Variants in GRID2IP observed in about 807,000 individuals in gnomAD.
GRID2IP encodes Grid2 interacting protein.
In GRID2IP, 78 loss-of-function variants were observed where a neutral mutation model predicts 114.3. That is an observed-to-expected ratio of 0.68 (90% CI 0.57 to 0.82). The LOEUF is 0.82. Ranked by LOEUF, GRID2IP falls within the 40% of genes least tolerant of loss-of-function variation. GRID2IP has a pLI of 0.00. For missense variants in GRID2IP, 1,727 were observed against 1,678.5 expected (o/e 1.03, Z -0.51); for synonymous variants, 809 against 724.0 (o/e 1.12, Z -1.89).
chr7:6,503,812 G>T, intron 15 of GRID2IP, 125 bp from the exon 16 acceptor site: 1 of 641,888 alleles, frequency 1.6e-6, no homozygotes, highest in South Asian at 2.3e-5. Context: ...GGGAGAGGAC[G>T]GGGCCTTGAG....
intron 1 of GRID2IP, among the ~76,000 whole-genome samples, chr7:6,540,903 T>A (rs1019973770): frequency 2.6e-5 from 4 of 151,906 alleles, no homozygotes; most frequent in Admixed American, 2.0e-4. Flanking sequence ...GTGGTGTGAT[T>A]ATAACTTACT....
Position 6,518,648 on chromosome 7 carries a change from A to C in GRID2IP, c.1268+1930T>G, listed in dbSNP as rs144301865. On this transcript the variant is annotated intron_variant, in intron 7 of 21. Transcript: ENST00000457091. ...CTACTCGGGAGGCTGAGGCAGGAGA[A>C]TCGCTTGAACCCAGGAGGGGGAGGT... Among the ~76,000 whole-genome samples the C allele has an allele frequency of 2.1e-3, 313 of 152,166 alleles. 1 individual carries two copies. The highest frequency in any genetic ancestry group is 7.2e-3 in the African/African-American group (299 of 41,546).
chr7:6,527,559 T>C (rs1477552158), intron 2 of GRID2IP, among the ~76,000 whole-genome samples: 1 of 152,198 alleles, frequency 6.6e-6, no homozygotes, highest in East Asian at 1.9e-4. Context: ...GGGTCTCCGC[T>C]GCAGGGCTAG....
chr7:6,503,978 G>C (rs1786499051), intron 15 of GRID2IP, among the ~76,000 whole-genome samples: 1 of 150,662 alleles, frequency 6.6e-6, no homozygotes, highest in Non-Finnish European at 1.5e-5. Flanking sequence ...GGAGAGGGTG[G>C]GGCCTGGCAG....
At chr7:6,505,074 C>G (rs1044511987) in intron 14 of GRID2IP, among the ~76,000 whole-genome samples, 1 of 152,198 alleles carries the variant, frequency 6.6e-6, no homozygotes, top group African/African-American at 2.4e-5. Context: ...GTGTCCTGTG[C>G]ACTCCCCGTG....
chr7:6,546,923 G>C (rs1779897790), intron 1 of GRID2IP, among the ~76,000 whole-genome samples: 1 of 152,068 alleles, frequency 6.6e-6, no homozygotes, highest in Admixed American at 6.6e-5. Flanking sequence ...GATTGTAGCA[G>C]GCATTACTCG....
At chr7:6,548,423 T>C (rs1466969702) in intron 1 of GRID2IP, among the ~76,000 whole-genome samples, 2 of 152,152 alleles carry the variant, frequency 1.3e-5, no homozygotes, top group Admixed American at 6.5e-5. Flanking sequence ...CTTGAGGGGA[T>C]GGGTACCCCA....
At chr7:6,527,651 G>C (rs996528763) in intron 2 of GRID2IP, among the ~76,000 whole-genome samples, 1 of 149,362 alleles carries the variant, frequency 6.7e-6, no homozygotes, top group East Asian at 1.9e-4. Context: ...ACAGTGGCAC[G>C]ATCATAGCAC....
intron 20 of GRID2IP, among the ~76,000 whole-genome samples, chr7:6,501,188 TAAAAATAC>T (rs1194891066): frequency 1.3e-5 from 2 of 151,962 alleles, no homozygotes; most frequent in East Asian, 3.9e-4. Context: ...ATGTCTATAC[TAAAAATAC>T]AAAAATAAGC....
intron 7 of GRID2IP, among the ~76,000 whole-genome samples, chr7:6,515,541 G>A (rs994451829): frequency 6.6e-6 from 1 of 152,108 alleles, no homozygotes; most frequent in African/African-American, 2.4e-5. Flanking sequence ...ACTTTGGGAG[G>A]CTGAGGCAGG....
chr7:6,497,837 C>T lies in GRID2IP; in HGVS notation c.3573G>A (p.Leu1191=). The part of the protein sequence containing the change: ...AEFMSKFERA[L]SDLQAGEGLR... ...GGCCCTCCCCGGCCTGCAGGTCACT[C>T]AGCGCTCGCTGGGGAGGGGGAACAC... Residue 1191 remains leucine (L), a synonymous_variant, in exon 22 of 22, where the codon CTG becomes CTA. Transcript: ENST00000457091. 1.3e-6 allele frequency: 2 copies of T among 1,550,198 alleles called. No individual in the cohort carries two copies. The highest frequency in any genetic ancestry group is 1.4e-5 in the African/African-American group (1 of 73,184).
intron 7 of GRID2IP, among the ~76,000 whole-genome samples, chr7:6,515,644 G>T (rs1779280761): frequency 6.6e-6 from 1 of 151,746 alleles, no homozygotes; most frequent in Non-Finnish European, 1.5e-5. Context: ...TAGGCATGTT[G>T]GTGTGCACCT....
intron 2 of GRID2IP, among the ~76,000 whole-genome samples, chr7:6,527,830 C>T (rs565896737): frequency 3.4e-4 from 52 of 150,760 alleles, no homozygotes; most frequent in African/African-American, 1.3e-3. Context: ...GAGATCTCAG[C>T]TCATTGGAAC....
rs1786311195 is a variant in GRID2IP at position 6,498,157 on chromosome 7, C to CAGCT, written c.3467_3470dup (p.Gly1158AlafsTer18). 1.9e-6 allele frequency: 3 copies of CAGCT among 1,551,456 alleles called. No individual in the cohort carries two copies. On this transcript the variant is annotated frameshift_variant, in exon 21 of 22. Coordinates refer to ENST00000457091, the MANE Select transcript of GRID2IP (RefSeq NM_001145118.2). LOFTEE classifies it high-confidence loss of function. ...CCCCAAAGAAGGCCAGCGCCTTGCC[C>CAGCT]AGCTCCTCCATGGCCTCGCGCTGCA...
At position 6,517,327 on chromosome 7, in the gene GRID2IP, G is replaced by C. The variant is rs563211684; in HGVS notation, c.1269-2798C>G. On this transcript the variant is annotated intron_variant, in intron 7 of 21. Coordinates refer to ENST00000457091, the MANE Select transcript of GRID2IP (RefSeq NM_001145118.2). ...CCATCTCAGCCTCCCAAGGTGCTGG[G>C]ATTACAGGCATGAGCCACCGCGCCC... Among the ~76,000 whole-genome samples, 310 of 151,938 alleles carry C rather than the reference G, an allele frequency of 2.0e-3. 2 individuals are homozygous for C. Among genetic ancestry groups the C allele is most frequent in the African/African-American group, 7.1e-3 (295 of 41,450 alleles).
In GRID2IP at chr7:6,509,539, G is replaced by A. The variant is rs556318382; in HGVS notation, c.1772-226C>T. Among the ~76,000 whole-genome samples, 5 of 152,264 alleles carry A rather than the reference G, an allele frequency of 3.3e-5. No individual in the cohort carries two copies. Among genetic ancestry groups the A allele is most frequent in the Admixed American group, 2.6e-4 (4 of 15,298 alleles). ...TGCTCGGCCTCAGGACAGGCTGGAC[G>A]CCAGCTCACCTTGGAATGGTCACCA... On this transcript the variant is annotated intron_variant, in intron 11 of 21. Transcript: ENST00000457091. This position sits in a 1 kb window ranked among gnomAD's most constrained non-coding sequence, Gnocchi z 4.9.
chr7:6,526,562 G>A lies in GRID2IP; in HGVS notation c.792C>T (p.Ser264=). ...GGCCGGCGAGGCCGCCCACCAGCAAGGAGGCCCTGCGCGGGGGCGGCTCAT... is the reference window on the plus strand; with the variant it reads ...GGCCGGCGAGGCCGCCCACCAGCAAAGAGGCCCTGCGCGGGGGCGGCTCAT... ...RPDEPPPRRA[S]LLVGGLAGPG... is the part of the protein sequence containing the mutation. The change falls in exon 3 of 22, where the codon TCC becomes TCT. Residue 264 remains serine, a synonymous_variant. Transcript: ENST00000457091. This position sits in a 1 kb window ranked among gnomAD's most constrained non-coding sequence, Gnocchi z 7.6. The A allele has an allele frequency of 3.3e-6, 4 of 1,213,422 alleles. No homozygotes were observed. The highest frequency in any genetic ancestry group is 4.1e-6 in the Non-Finnish European group (4 of 976,778). 75.2% of individuals were successfully genotyped at this position (1,213,422 alleles called of 1,614,324 possible).
chr7:6,500,415 G>T (rs1786380264), intron 20 of GRID2IP, among the ~76,000 whole-genome samples: 1 of 152,188 alleles, frequency 6.6e-6, no homozygotes, highest in South Asian at 2.1e-4. Flanking sequence ...AGTGAGCCGA[G>T]ATCGCACCAT....
intron 18 of GRID2IP, 57 bp from the exon 19 acceptor site, chr7:6,502,175 T>G: frequency 6.7e-7 from 1 of 1,482,484 alleles, no homozygotes; most frequent in South Asian, 1.2e-5. Flanking sequence ...TGGGGTCACA[T>G]GGGCCCAGCT....
Sources: gnomAD v4.1 joint callset for allele counts (sites outside exome capture counted in the v4.1 genomes callset) on GRCh38, gnomAD v4.1.1 for gene constraint, Gnocchi (gnomAD v3.1) non-coding constraint, MANE v1.5 for transcripts, NCBI Gene and HGNC (gene_info 2026-07-23, HGNC 2026-07-21) for gene names.